Variants in ROBO2 observed in about 807,000 individuals in gnomAD.
ROBO2 encodes roundabout guidance receptor 2.
A neutral mutation model predicts 160.8 loss-of-function variants in ROBO2; 53 were observed. That is an observed-to-expected ratio of 0.33 (90% CI 0.26 to 0.41). The LOEUF (loss-of-function observed/expected upper bound fraction) is 0.41. ROBO2 is among the 10% of genes least tolerant of loss of function. ROBO2 has a pLI of 1.00. For missense variants in ROBO2, 1,577 were observed against 1,722.4 expected, an observed-to-expected ratio of 0.92 and a Z score of 1.49; for synonymous variants, 664 against 611.7, an observed-to-expected ratio of 1.09 and a Z score of -1.26.
chr3:77,285,208 A>G (rs771741421), intron 2 of ROBO2, among the ~76,000 whole-genome samples: 3 of 152,190 alleles, frequency 2.0e-5, no homozygotes, highest in Non-Finnish European at 4.4e-5. Flanking sequence ...TCTTGTGGGT[A>G]TAGGTTACAG....
intron 2 of ROBO2, among the ~76,000 whole-genome samples, chr3:76,603,832 T>A (rs2087430286): frequency 6.6e-6 from 1 of 152,282 alleles, no homozygotes; most frequent in African/African-American, 2.4e-5. Flanking sequence ...GTTTTTATTT[T>A]GTTAAATATG....
chr3:76,290,648 G>T (rs963972415), intron 2 of ROBO2, among the ~76,000 whole-genome samples: 1 of 152,118 alleles, frequency 6.6e-6, no homozygotes, highest in African/African-American at 2.4e-5. Flanking sequence ...CATCATGTCA[G>T]TTGTGGGTCT....
intron 2 of ROBO2, among the ~76,000 whole-genome samples, chr3:76,302,483 G>T (rs1709411109): frequency 6.6e-6 from 1 of 152,006 alleles, no homozygotes; most frequent in Non-Finnish European, 1.5e-5. Flanking sequence ...GCACTCAGGG[G>T]AGAACCGCTA....
intron 2 of ROBO2, among the ~76,000 whole-genome samples, chr3:76,358,418 C>T (rs1172017888): frequency 6.6e-6 from 1 of 151,920 alleles, no homozygotes; most frequent in Admixed American, 6.6e-5. Context: ...GTTGGTTTTA[C>T]CCTTTTACTA....
chr3:75,974,318 G>C (rs1343131626), intron 2 of ROBO2, among the ~76,000 whole-genome samples: 1 of 151,566 alleles, frequency 6.6e-6, no homozygotes, highest in Non-Finnish European at 1.5e-5. Context: ...ATTCAGATAA[G>C]TATTAATTTT....
At chr3:76,821,035 G>A (rs1392657342) in intron 2 of ROBO2, among the ~76,000 whole-genome samples, 4 of 151,910 alleles carry the variant, frequency 2.6e-5, no homozygotes, top group Admixed American at 2.6e-4. Flanking sequence ...CAAACTGAAA[G>A]CGTTCAATTG....
At chr3:77,281,635 A>AT (rs753279097) in intron 2 of ROBO2, among the ~76,000 whole-genome samples, 2 of 152,220 alleles carry the variant, frequency 1.3e-5, no homozygotes, top group Non-Finnish European at 2.9e-5. Flanking sequence ...ATAACATATT[A>AT]TTTGCCTATC....
chr3:76,072,557 TTAGTTTTTTTGTTTTTTTGTTTTTAA>T (rs2068496919), intron 2 of ROBO2, among the ~76,000 whole-genome samples: 7 of 152,160 alleles, frequency 4.6e-5, no homozygotes, highest in African/African-American at 1.7e-4. Flanking sequence ...AAATTAAAGC[TTAGTTTTTTTGTTTTTTTGTTTTTAA>T]GACCTACAAA....
intron 2 of ROBO2, among the ~76,000 whole-genome samples, chr3:76,108,760 T>G (rs532399650): frequency 1.3e-5 from 2 of 151,506 alleles, no homozygotes; most frequent in East Asian, 3.9e-4. Flanking sequence ...TTGATAGAAT[T>G]TAACTTAATT....
At chr3:76,999,202 A>G (rs2061200884) in intron 2 of ROBO2, among the ~76,000 whole-genome samples, 1 of 151,910 alleles carries the variant, frequency 6.6e-6, no homozygotes, top group African/African-American at 2.4e-5. Context: ...ACACCTATTA[A>G]TAAGTAAATA....
intron 2 of ROBO2, among the ~76,000 whole-genome samples, chr3:77,397,470 G>A (rs9829207): frequency 0.14 from 20,637 of 152,056 alleles, 1,537 homozygotes; most frequent in East Asian, 0.27. Context: ...TACCTAGAAG[G>A]CTCTGTCTCT....
intron 2 of ROBO2, among the ~76,000 whole-genome samples, chr3:76,284,177 A>C (rs1260949541): frequency 5.3e-5 from 8 of 152,074 alleles, no homozygotes; most frequent in Non-Finnish European, 2.9e-5. Flanking sequence ...AATTATATTC[A>C]GAATAAGCTA....
chr3:77,291,859 C>A (rs1580742583), intron 2 of ROBO2, among the ~76,000 whole-genome samples: 1 of 151,336 alleles, frequency 6.6e-6, no homozygotes, highest in African/African-American at 2.4e-5. Context: ...GGCTAGATCA[C>A]CCCAGACATA....
chr3:77,563,455 C>A, intron 11 of ROBO2, 126 bp downstream of exon 12: 1 of 935,364 alleles, frequency 1.1e-6, no homozygotes, highest in Non-Finnish European at 1.7e-6. Context: ...GAATTGATCT[C>A]TTCTCTCTGA....
intron 2 of ROBO2, among the ~76,000 whole-genome samples, chr3:76,334,714 A>G (rs2073746730): frequency 6.6e-6 from 1 of 152,218 alleles, no homozygotes; most frequent in African/African-American, 2.4e-5. Flanking sequence ...GTTTCTCCTA[A>G]CTATAGGATC....
At chr3:77,306,937 T>C (rs947650322) in intron 2 of ROBO2, among the ~76,000 whole-genome samples, 1 of 152,250 alleles carries the variant, frequency 6.6e-6, no homozygotes, top group Non-Finnish European at 1.5e-5. Context: ...TCTCTTTGCA[T>C]CTGACAATAC....
chr3:77,616,961 G>A (rs558949697), intron 21 of ROBO2, among the ~76,000 whole-genome samples: 9 of 152,312 alleles, frequency 5.9e-5, no homozygotes, highest in African/African-American at 2.2e-4. Flanking sequence ...ACAAGATAAA[G>A]AGGACATTAG....
At chr3:77,273,244 G>C (rs911201978) in intron 2 of ROBO2, among the ~76,000 whole-genome samples, 2 of 152,044 alleles carry the variant, frequency 1.3e-5, no homozygotes, top group African/African-American at 4.8e-5. Flanking sequence ...TGTAGAAAAA[G>C]AACAAAATGC....
At chr3:76,941,628 C>A (rs1014189664) in intron 2 of ROBO2, among the ~76,000 whole-genome samples, 1 of 152,166 alleles carries the variant, frequency 6.6e-6, no homozygotes, top group Non-Finnish European at 1.5e-5. Flanking sequence ...ATGCAGCTAA[C>A]TTTTGAATTG....
Sources: gnomAD v4.1 joint callset for allele counts (sites outside exome capture counted in the v4.1 genomes callset) on GRCh38, gnomAD v4.1.1 for gene constraint, MANE v1.5 for transcripts, NCBI Gene and HGNC (gene_info 2026-07-23, HGNC 2026-07-21) for gene names.